Variants in PIBF1 observed in about 807,000 individuals in gnomAD.
The protein encoded by PIBF1 is progesterone immunomodulatory binding factor 1.
PIBF1 carries 90 observed loss-of-function variants against 112.5 expected under a neutral mutation model. That is an observed-to-expected ratio of 0.80 (90% CI 0.67 to 0.95). PIBF1 has a LOEUF of 0.95. PIBF1 is among the 40% of genes least tolerant of loss of function. The pLI, the probability that PIBF1 is intolerant of heterozygous loss-of-function variation, is 0.00. For synonymous variants in PIBF1, 301 were observed against 288.6 expected, an observed-to-expected ratio of 1.04 and a Z score of -0.44; for missense variants, 915 against 852.3, an observed-to-expected ratio of 1.07 and a Z score of -0.92.
chr13:72,984,105 G>A (rs755842371), intron 16 of PIBF1, among the ~76,000 whole-genome samples: 2 of 152,040 alleles, frequency 1.3e-5, no homozygotes, highest in East Asian at 1.9e-4. Flanking sequence ...CCATGTAAGG[G>A]TGTGTGACTT....
chr13:72,882,513 G>A (rs1184351073), intron 10 of PIBF1, among the ~76,000 whole-genome samples: 1 of 152,150 alleles, frequency 6.6e-6, no homozygotes, highest in African/African-American at 2.4e-5. Context: ...CACAAAATGG[G>A]AGAAAAGATT....
chr13:72,928,016 CATATATAT>C (rs1368777771), intron 13 of PIBF1, among the ~76,000 whole-genome samples: 1 of 53,994 alleles, frequency 1.9e-5, no homozygotes, highest in Admixed American at 2.6e-4. Context: ...CATATATATA[CATATATAT>C]ACATATATAT....
intron 10 of PIBF1, among the ~76,000 whole-genome samples, chr13:72,858,051 G>C (rs1272440579): frequency 1.3e-5 from 2 of 151,638 alleles, no homozygotes; most frequent in Non-Finnish European, 2.9e-5. Context: ...GTGTGTGTGT[G>C]TGTGTGTATG....
At chr13:72,959,804 C>T (rs9543183) in intron 14 of PIBF1, among the ~76,000 whole-genome samples, 16,761 of 152,174 alleles carry the variant, frequency 0.11, 1,260 homozygotes, top group Non-Finnish European at 0.17. Flanking sequence ...AAGAATAACA[C>T]TTCTGTAAAA....
intron 5 of PIBF1, among the ~76,000 whole-genome samples, chr13:72,803,845 A>G (rs7988026): frequency 0.21 from 31,825 of 152,116 alleles, 3,426 homozygotes; most frequent in Middle Eastern, 0.27. Context: ...CTGAGGTTCA[A>G]TTGTCATCAG....
At chr13:72,880,641 G>T (rs1350082940) in intron 10 of PIBF1, among the ~76,000 whole-genome samples, 1 of 152,132 alleles carries the variant, frequency 6.6e-6, no homozygotes, top group East Asian at 1.9e-4. Flanking sequence ...GCTTAATATA[G>T]TTACTTGTGA....
Position 72,963,478 on chromosome 13 carries a change from C to T in PIBF1, c.1834-1796C>T, listed in dbSNP as rs142358723. Among the ~76,000 whole-genome samples the T allele has an allele frequency of 5.4e-3, 816 of 152,194 alleles. 15 individuals are homozygous for T. Among genetic ancestry groups the T allele is most frequent in the African/African-American group, 0.018 (763 of 41,528 alleles). ...GCATGGTGGCGCACGCCTCTAATCC[C>T]AGCTACTCAGAAGGCTGAGGCAAGA... is the stretch of plus-strand genomic sequence containing the variant. On this transcript the variant is annotated intron_variant, in intron 14 of 17. Transcript: ENST00000326291.
intron 10 of PIBF1, among the ~76,000 whole-genome samples, chr13:72,856,063 C>T (rs1456480309): frequency 1.3e-5 from 2 of 152,132 alleles, no homozygotes; most frequent in Non-Finnish European, 2.9e-5. Context: ...CACTCTTAAC[C>T]TAAATCCTTC....
intron 16 of PIBF1, among the ~76,000 whole-genome samples, chr13:72,985,945 G>T (rs776248240): frequency 3.9e-5 from 6 of 152,016 alleles, no homozygotes; most frequent in Non-Finnish European, 7.4e-5. Context: ...GAGCCCAGGA[G>T]TTGTGTACTA....
At chr13:72,894,766 A>G (rs61967074) in intron 11 of PIBF1, among the ~76,000 whole-genome samples, 1 of 118,128 alleles carries the variant, frequency 8.5e-6, no homozygotes, top group Non-Finnish European at 1.7e-5. Flanking sequence ...TATTATATAT[A>G]TATATAGTGT....
rs2040782765 is a variant in PIBF1 at position 72,908,588 on chromosome 13, C to T, written c.1546C>T (p.Leu516Phe). The T allele has an allele frequency of 6.2e-7, 1 of 1,612,830 alleles. No homozygotes were observed. The highest frequency in any genetic ancestry group is 1.1e-5 in the South Asian group (1 of 91,026). ...QASSEKRITE[L>F]QAQNSEHQAR... ...CTCTTCTGAAAAACGCATTACTGAA[C>T]TTCAAGCACAGAACTCAGAGCATCA... The change falls in exon 12 of 18, where the codon CTT becomes TTT. Residue 516 changes from leucine to phenylalanine, a missense_variant. Transcript: ENST00000326291.
At chr13:72,968,626 T>A (rs1414443637) in intron 15 of PIBF1, among the ~76,000 whole-genome samples, 1 of 152,118 alleles carries the variant, frequency 6.6e-6, no homozygotes, top group Non-Finnish European at 1.5e-5. Flanking sequence ...TGGCTACTGT[T>A]ACTGAGGAAC....
chr13:72,907,213 T>C (rs2040731237), intron 11 of PIBF1, among the ~76,000 whole-genome samples: 1 of 151,878 alleles, frequency 6.6e-6, no homozygotes, highest in Admixed American at 6.6e-5. Context: ...TGGGGGAAAG[T>C]TTTGCTGAAA....
At chr13:73,011,257 G>A (rs961474473) in intron 17 of PIBF1, among the ~76,000 whole-genome samples, 3 of 152,152 alleles carry the variant, frequency 2.0e-5, no homozygotes, top group African/African-American at 4.8e-5. Flanking sequence ...AACCAGTGCT[G>A]GGGTAGGAAA....
At chr13:72,836,244 T>C (rs190335420) in intron 9 of PIBF1, 2 of 329,854 alleles carry the variant, frequency 6.1e-6, no homozygotes, top group East Asian at 8.3e-5. Flanking sequence ...TTTATACCGT[T>C]ATTATAGTCA....
In PIBF1 at chr13:72,894,865, C is replaced by T. The variant is rs140932231; in HGVS notation, c.1488+916C>T. ...TCCAGGGGCAGTGAGTGACTCACGC[C>T]TGTAATCCCAGCACTTTTGGAGGCT... On this transcript the variant is annotated intron_variant, in intron 11 of 17. Coordinates refer to ENST00000326291, the MANE Select transcript of PIBF1 (RefSeq NM_006346.4). Among the ~76,000 whole-genome samples the T allele has an allele frequency of 5.3e-3, 797 of 150,948 alleles. 15 individuals are homozygous for T. Among genetic ancestry groups the T allele is most frequent in the African/African-American group, 0.018 (749 of 41,058 alleles).
chr13:72,796,571 G>A (rs1288921558), intron 4 of PIBF1, among the ~76,000 whole-genome samples: 2 of 151,544 alleles, frequency 1.3e-5, no homozygotes, highest in Non-Finnish European at 2.9e-5. Context: ...AGTGGTGGTT[G>A]CTATTCTTGG....
chr13:72,950,831 A>G (rs896950502), intron 14 of PIBF1, among the ~76,000 whole-genome samples: 3 of 152,200 alleles, frequency 2.0e-5, no homozygotes, highest in African/African-American at 7.2e-5. Context: ...AGTGAAATAT[A>G]TACTCATTTA....
At chr13:72,895,856 A>C (rs2040261840) in intron 11 of PIBF1, among the ~76,000 whole-genome samples, 1 of 152,030 alleles carries the variant, frequency 6.6e-6, no homozygotes, top group South Asian at 2.1e-4. Context: ...ATACTCTGGG[A>C]GGTGGAAAGC....
Sources: allele counts gnomAD v4.1 joint callset (sites outside exome capture counted in the v4.1 genomes callset), GRCh38; gene constraint gnomAD v4.1.1; transcripts MANE v1.5; gene names NCBI Gene and HGNC (gene_info 2026-07-23, HGNC 2026-07-21).